The following RASSF4 variants were observed in gnomAD, a reference collection of about 807,000 sequenced individuals.
RASSF4 encodes the protein Ras association domain family member 4.
In RASSF4, 38 loss-of-function variants were observed where a neutral mutation model predicts 41.1. That is an observed-to-expected ratio of 0.92 (90% CI 0.71 to 1.21). The LOEUF (loss-of-function observed/expected upper bound fraction) is 1.21, where lower values mean the gene tolerates loss of function less well. RASSF4 is among the 50% of genes most tolerant of loss of function. The pLI, the probability that RASSF4 is intolerant of heterozygous loss-of-function variation, is 0.00. For missense variants in RASSF4, 414 were observed against 419.4 expected, an observed-to-expected ratio of 0.99 and a Z score of 0.11; for synonymous variants, 179 against 163.4, an observed-to-expected ratio of 1.10 and a Z score of -0.73.
chr10:44,977,748 T>C, intron 3 of RASSF4: 1 of 1,602,126 alleles, frequency 6.2e-7, no homozygotes, highest in Non-Finnish European at 8.5e-7. Context: ...ATGGGCAGTG[T>C]GGGCTGCTGG....
chr10:44,993,609 G>A lies in RASSF4; in HGVS notation c.*280G>A. ...GTCCACACCATGCCTCTCCTGCACTGGAGAGCAGTGCTGGCCCAGCCCCTG... is the reference window on the plus strand; with the variant it reads ...GTCCACACCATGCCTCTCCTGCACTAGAGAGCAGTGCTGGCCCAGCCCCTG... On this transcript the variant is annotated 3_prime_UTR_variant, in exon 11 of 11. Coordinates refer to ENST00000340258, the MANE Select transcript of RASSF4 (RefSeq NM_032023.4). 1 of 471,680 alleles carries A rather than the reference G, an allele frequency of 2.1e-6. No individual in the cohort carries two copies. The allele number at this position is 471,680 out of a possible 1,614,324, so 29.2% of individuals were successfully genotyped here. A position where few individuals can be genotyped will look rare whatever the true frequency, so the allele number is the denominator to read the frequency against.
Position 44,982,614 on chromosome 10 carries a change from G to A in RASSF4, c.232G>A (p.Val78Met). 6.2e-7 allele frequency: 1 copy of A among 1,613,242 alleles called. No individual in the cohort carries two copies. The highest frequency in any genetic ancestry group is 8.5e-7 in the Non-Finnish European group (1 of 1,179,502). ...RLQMQDDREQ[V>M]HLPSTSWMPR... The stretch of plus-strand genomic sequence containing the variant: ...GCAGATGCAGGATGACCGGGAGCAG[G>A]TGCACCTCCCCTCCACCTCATGGAT... Residue 78 changes from valine to methionine, a missense_variant, in exon 4 of 11, where the codon GTG (valine) becomes ATG (methionine). Transcript: ENST00000340258.
Position 44,987,967 on chromosome 10 carries a change from A to G in RASSF4, c.532-1307A>G, listed in dbSNP as rs1259166614. On this transcript the variant is annotated intron_variant, in intron 6 of 10. Transcript: ENST00000340258. ...GCTCCCAGGTGTGCCTGGACTTATC[A>G]GAGCGGGGATACTGAATAGGTCCTT... 2.0e-5 allele frequency among the ~76,000 whole-genome samples: 3 copies of G among 152,166 alleles called. No individual in the cohort carries two copies. In the East Asian group the frequency reaches 5.8e-4, roughly 29 times the overall value.
chr10:44,989,776 G>A, intron 8 of RASSF4, 55 bp downstream of exon 8: 2 of 1,472,948 alleles, frequency 1.4e-6, no homozygotes, highest in Non-Finnish European at 1.9e-6. Context: ...TACCTGTTCA[G>A]CAAGCCCCCT....
intron 1 of RASSF4, among the ~76,000 whole-genome samples, chr10:44,966,847 T>G (rs184307436): frequency 1.2e-3 from 186 of 152,352 alleles, no homozygotes; most frequent in Admixed American, 2.0e-3. Context: ...TAGCTTCTTA[T>G]GACCCTTATT....
intron 6 of RASSF4, among the ~76,000 whole-genome samples, chr10:44,985,602 G>A (rs967983605): frequency 6.6e-6 from 1 of 152,238 alleles, no homozygotes; most frequent in Admixed American, 6.5e-5. Context: ...GGAAATGCAA[G>A]CCGAGATTTC....
In RASSF4 at chr10:44,977,285, A is replaced by G. The variant is rs1157037806; in HGVS notation, c.139-5236A>G. 10 of 1,422,728 alleles carry G rather than the reference A, an allele frequency of 7.0e-6. No homozygotes were observed. In the South Asian group the frequency reaches 1.5e-4, roughly 21 times the overall value. The allele number at this position is 1,422,728 out of a possible 1,614,324, so 88.1% of individuals were successfully genotyped here. ...TGCCCAAGCAGGGGCCTCTGCAGAA[A>G]AGCATTTCCCTTTCAGAGACCTGCC... On this transcript the variant is annotated intron_variant, in intron 3 of 10. Coordinates refer to ENST00000340258, the MANE Select transcript of RASSF4 (RefSeq NM_032023.4).
intron 3 of RASSF4, among the ~76,000 whole-genome samples, chr10:44,972,766 G>T (rs1023706602): frequency 6.6e-6 from 1 of 152,220 alleles, no homozygotes; most frequent in African/African-American, 2.4e-5. Flanking sequence ...TTTTTTGGGG[G>T]GTTCTGCAGT....
At chr10:44,973,928 GA>G (rs1199798924) in intron 3 of RASSF4, among the ~76,000 whole-genome samples, 1 of 152,252 alleles carries the variant, frequency 6.6e-6, no homozygotes, top group African/African-American at 2.4e-5. Flanking sequence ...TAACGCTGAA[GA>G]AAGTGTAAGG....
At chr10:44,977,432 C>G (rs777934528) in intron 3 of RASSF4, 7 of 1,608,706 alleles carry the variant, frequency 4.4e-6, no homozygotes, top group Middle Eastern at 1.7e-4. Flanking sequence ...GTAGAGTGTT[C>G]TGAGGACACT....
intron 3 of RASSF4, chr10:44,978,899 T>G (rs752218049): frequency 6.6e-6 from 1 of 152,232 alleles, no homozygotes; most frequent in East Asian, 1.9e-4. Flanking sequence ...CTCGGAAGGC[T>G]GTCTTAGGAA....
At chr10:44,989,578 G>A in intron 7 of RASSF4, 92 bp from the exon 8 acceptor site, 2 of 1,184,534 alleles carry the variant, frequency 1.7e-6, no homozygotes, top group Admixed American at 1.7e-5. Context: ...TTGCGTGTGT[G>A]TTACTGGGGG....
At chr10:44,975,211 C>G (rs2132777401) in intron 3 of RASSF4, among the ~76,000 whole-genome samples, 1 of 152,190 alleles carries the variant, frequency 6.6e-6, no homozygotes, top group Admixed American at 6.5e-5. Context: ...TTCCCCTGGT[C>G]CGGGGGCTCC....
At chr10:44,982,431 G>A (rs958648871) in intron 3 of RASSF4, 90 bp from the exon 4 acceptor site, 20 of 1,502,302 alleles carry the variant, frequency 1.3e-5, no homozygotes, top group Non-Finnish European at 1.7e-5. Context: ...GATGTGCAAG[G>A]CCTGAGTGTT....
chr10:44,981,036 CTA>C, intron 3 of RASSF4: 1 of 152,142 alleles, frequency 6.6e-6, no homozygotes, highest in South Asian at 2.1e-4. Context: ...TTTGGATACA[CTA>C]TTTTCTCTGT....
intron 1 of RASSF4, among the ~76,000 whole-genome samples, chr10:44,968,117 T>C (rs1840979350): frequency 6.6e-6 from 1 of 152,276 alleles, no homozygotes. Flanking sequence ...GCCTGTAATT[T>C]TGGGGTAAAT....
intron 4 of RASSF4, 28 bp downstream of exon 4, chr10:44,982,691 C>T (rs757331343): frequency 6.2e-7 from 1 of 1,605,750 alleles, no homozygotes; most frequent in Non-Finnish European, 8.5e-7. Context: ...TCTGTGACAC[C>T]TGCTCAGCCT....
At chr10:44,972,199 G>A (rs1324828558) in intron 3 of RASSF4, among the ~76,000 whole-genome samples, 1 of 152,002 alleles carries the variant, frequency 6.6e-6, no homozygotes, top group Non-Finnish European at 1.5e-5. Context: ...ACCATTCAGC[G>A]GACAAGAGGA....
At chr10:44,962,466 A>G (rs1410879566) in intron 1 of RASSF4, among the ~76,000 whole-genome samples, 1 of 152,230 alleles carries the variant, frequency 6.6e-6, no homozygotes, top group Non-Finnish European at 1.5e-5. Context: ...GACCCAAAAG[A>G]TTCTGGGACC....
Sources: allele counts gnomAD v4.1 joint callset (sites outside exome capture counted in the v4.1 genomes callset), GRCh38; gene constraint gnomAD v4.1.1; transcripts MANE v1.5; gene names NCBI Gene and HGNC (gene_info 2026-07-23, HGNC 2026-07-21).